Variants in SNTB2 observed in about 807,000 individuals in gnomAD.
SNTB2 encodes syntrophin beta 2.
A neutral mutation model predicts 46.2 loss-of-function variants in SNTB2; 34 were observed. The observed-to-expected ratio is 0.74, with a 90% CI of 0.56 to 0.98. The LOEUF (loss-of-function observed/expected upper bound fraction) is 0.98, where lower values mean the gene tolerates loss of function less well. Among genes scored for constraint, SNTB2 ranks in the 50% least tolerant of loss-of-function variants. The probability of loss-of-function intolerance (pLI) is 0.00; values close to 1 mark genes in which losing one functional copy is unlikely to be tolerated. For synonymous variants in SNTB2, 290 were observed against 312.6 expected, an observed-to-expected ratio of 0.93 and a Z score of 0.76; for missense variants, 603 against 731.4, an observed-to-expected ratio of 0.82 and a Z score of 2.02.
chr16:69,232,065 T>C (rs1178091068), intron 1 of SNTB2, among the ~76,000 whole-genome samples: 1 of 152,144 alleles, frequency 6.6e-6, no homozygotes, highest in African/African-American at 2.4e-5. Context: ...TACATTTCTA[T>C]ATATAAAAGC....
At chr16:69,197,125 A>G (rs2152289271) in intron 1 of SNTB2, among the ~76,000 whole-genome samples, 1 of 152,322 alleles carries the variant, frequency 6.6e-6, no homozygotes, top group East Asian at 1.9e-4. Flanking sequence ...GTAAGCCCCA[A>G]AGATTTTACT....
chr16:69,262,599 T>G (rs993454831), intron 3 of SNTB2, among the ~76,000 whole-genome samples: 1 of 152,176 alleles, frequency 6.6e-6, no homozygotes, highest in African/African-American at 2.4e-5. Flanking sequence ...TCAGGCTAAT[T>G]AACATATCCA....
intron 1 of SNTB2, among the ~76,000 whole-genome samples, chr16:69,192,425 GGA>G (rs1417613622): frequency 6.6e-6 from 1 of 152,158 alleles, no homozygotes; most frequent in Non-Finnish European, 1.5e-5. Flanking sequence ...GAAATAATTT[GGA>G]GAGTGTTACC....
chr16:69,206,818 T>A (rs1964224505), intron 1 of SNTB2, among the ~76,000 whole-genome samples: 1 of 151,910 alleles, frequency 6.6e-6, no homozygotes. Context: ...CAGGCTGGAG[T>A]GCAGTGGCGC....
At chr16:69,195,217 T>A (rs1169064571) in intron 1 of SNTB2, among the ~76,000 whole-genome samples, 1 of 152,198 alleles carries the variant, frequency 6.6e-6, no homozygotes, top group Non-Finnish European at 1.5e-5. Context: ...AATCTTTGTT[T>A]ATCAAAATAG....
At chr16:69,240,241 A>G (rs1248703118) in intron 1 of SNTB2, among the ~76,000 whole-genome samples, 1 of 152,212 alleles carries the variant, frequency 6.6e-6, no homozygotes, top group Non-Finnish European at 1.5e-5. Flanking sequence ...AGCTCAATAA[A>G]TTAGTGAATT....
intron 1 of SNTB2, among the ~76,000 whole-genome samples, chr16:69,200,071 C>A (rs934617140): frequency 7.9e-5 from 12 of 152,100 alleles, no homozygotes; most frequent in African/African-American, 2.7e-4. Flanking sequence ...CGTGCCACCA[C>A]ACCCAGCTAA....
At chr16:69,289,789 G>C (rs1965142705) in intron 5 of SNTB2, among the ~76,000 whole-genome samples, 1 of 152,110 alleles carries the variant, frequency 6.6e-6, no homozygotes, top group African/African-American at 2.4e-5. Flanking sequence ...AGGCCTGGTG[G>C]TGTGTGCCTG....
Position 69,305,428 on chromosome 16 carries a change from A to C in SNTB2, c.*4504A>C, listed in dbSNP as rs1368705472. On this transcript the variant is annotated 3_prime_UTR_variant, in exon 7 of 7. Coordinates refer to ENST00000336278, the MANE Select transcript of SNTB2 (RefSeq NM_006750.4). Reference sequence around the variant, plus strand: ...TAAACTATCCAAATATCCAGCATACATTTCCATGTGGCTGCCATCGGCTGT... The same window carrying C: ...TAAACTATCCAAATATCCAGCATACCTTTCCATGTGGCTGCCATCGGCTGT... 1 of 152,234 alleles carries C rather than the reference A, an allele frequency of 6.6e-6. No individual in the cohort carries two copies. Among genetic ancestry groups the C allele is most frequent in the Non-Finnish European group, 1.5e-5 (1 of 68,040 alleles). The allele number at this position is 152,234 out of a possible 1,614,324, so 9.4% of individuals were successfully genotyped here.
At position 69,245,692 on chromosome 16, in the gene SNTB2, G is replaced by A. The variant is rs746851378; in HGVS notation, c.671G>A (p.Ser224Asn). The change falls in exon 2 of 7, where the codon AGC becomes AAC. Residue 224 changes from serine to asparagine, a missense_variant. Transcript: ENST00000336278. ...GAAGGTGCAGCCCCCCAGTCACCAA[G>A]CTTTAGTGGCAGTGAGGACTCTGGT... ...PWEGAAPQSP[S>N]FSGSEDSGSP... The A allele has an allele frequency of 6.4e-5, 103 of 1,614,098 alleles. No individual in the cohort carries two copies. The highest frequency in any genetic ancestry group is 8.0e-5 in the Non-Finnish European group (94 of 1,180,034).
intron 1 of SNTB2, among the ~76,000 whole-genome samples, chr16:69,196,650 GGCGTGA>G (rs1381738321): frequency 1.3e-5 from 2 of 152,100 alleles, no homozygotes; most frequent in Non-Finnish European, 2.9e-5. Context: ...TGGGATTACA[GGCGTGA>G]GCCACCGCAC....
chr16:69,252,492 T>C (rs1964736147), intron 2 of SNTB2, among the ~76,000 whole-genome samples: 1 of 152,226 alleles, frequency 6.6e-6, no homozygotes, highest in Non-Finnish European at 1.5e-5. Context: ...TAAATCCGTG[T>C]TCTTTGCATT....
intron 1 of SNTB2, among the ~76,000 whole-genome samples, chr16:69,235,133 T>C (rs1335258941): frequency 6.6e-6 from 1 of 151,890 alleles, no homozygotes; most frequent in East Asian, 1.9e-4. Context: ...TGCCTCAGCC[T>C]CCTGAGTAGC....
At chr16:69,285,426 A>G (rs1597200656) in intron 5 of SNTB2, among the ~76,000 whole-genome samples, 2 of 144,754 alleles carry the variant, frequency 1.4e-5, no homozygotes, top group South Asian at 2.2e-4. Flanking sequence ...ATGATCCATC[A>G]TAGCTCACTG....
At chr16:69,194,634 A>T (rs1486846066) in intron 1 of SNTB2, among the ~76,000 whole-genome samples, 1 of 152,202 alleles carries the variant, frequency 6.6e-6, no homozygotes, top group Non-Finnish European at 1.5e-5. Context: ...CCAGCCAAAA[A>T]TACTGGGCCT....
chr16:69,255,557 C>G (rs1964765168), intron 2 of SNTB2, among the ~76,000 whole-genome samples: 1 of 135,444 alleles, frequency 7.4e-6, no homozygotes, highest in African/African-American at 2.9e-5. Context: ...CAGACTCCGT[C>G]TTAAAAAAAA....
intron 1 of SNTB2, among the ~76,000 whole-genome samples, chr16:69,243,668 A>T (rs1019536817): frequency 6.6e-6 from 1 of 152,216 alleles, no homozygotes; most frequent in Admixed American, 6.5e-5. Context: ...AAACCTTAGG[A>T]ATTTCTGCCA....
chr16:69,244,201 C>T (rs1964646301), intron 1 of SNTB2, among the ~76,000 whole-genome samples: 1 of 152,174 alleles, frequency 6.6e-6, no homozygotes, highest in Non-Finnish European at 1.5e-5. Flanking sequence ...ATCTCTATGA[C>T]CACATCATGC....
Position 69,270,136 on chromosome 16 carries a change from G to A in SNTB2, c.1006-7G>A, listed in dbSNP as rs1260895299. 3 of 1,613,666 alleles carry A rather than the reference G, an allele frequency of 1.9e-6. No homozygotes were observed. The highest frequency in any genetic ancestry group is 2.5e-6 in the Non-Finnish European group (3 of 1,179,740). ...GCCCTGATTTCTGAATTTTTCCATT[G>A]TAACAGGCAAAACTAGATGGTGGAA... On this transcript the variant is annotated splice_polypyrimidine_tract_variant and splice_region_variant and intron_variant, in intron 3 of 6. Coordinates refer to ENST00000336278, the MANE Select transcript of SNTB2 (RefSeq NM_006750.4).
Sources: gnomAD v4.1 joint callset for allele counts (sites outside exome capture counted in the v4.1 genomes callset) on GRCh38, gnomAD v4.1.1 for gene constraint, MANE v1.5 for transcripts, NCBI Gene and HGNC (gene_info 2026-07-23, HGNC 2026-07-21) for gene names.